TSPAN10: variants seen among roughly 807,000 people sequenced by gnomAD.
TSPAN10 encodes the protein tetraspanin-10.
Under a neutral mutation model 15.0 loss-of-function variants are expected in TSPAN10, and 11 were observed. The ratio of observed to expected loss-of-function variants is 0.73; its 90% CI spans 0.46 to 1.21. The LOEUF (loss-of-function observed/expected upper bound fraction) is 1.21. TSPAN10 is among the 50% of genes most tolerant of loss of function. TSPAN10 has a pLI of 0.00. For missense variants in TSPAN10, 486 were observed against 470.6 expected (o/e 1.03, Z -0.30); for synonymous variants, 241 against 226.2 (o/e 1.07, Z -0.59).
chr17:81,639,389 G>C (rs1341846475), upstream of TSPAN10, among the ~76,000 whole-genome samples: 1 of 151,428 alleles, frequency 6.6e-6, no homozygotes, highest in Non-Finnish European at 1.5e-5. Context: ...TATATCTTTA[G>C]TAGAGACAGG....
chr17:81,638,528 C>A (rs2036142206), upstream of TSPAN10: 1 of 152,260 alleles, frequency 6.6e-6, no homozygotes, highest in Admixed American at 6.5e-5. Flanking sequence ...GAACTCCTGA[C>A]CTCAGGTGAT....
upstream of TSPAN10, chr17:81,642,315 A>T: frequency 6.9e-7 from 1 of 1,439,316 alleles, no homozygotes. Context: ...AGACTAGCCC[A>T]GGGCCGCAGT....
upstream of TSPAN10, among the ~76,000 whole-genome samples, chr17:81,639,636 G>T (rs1404980364): frequency 2.0e-5 from 3 of 151,186 alleles, no homozygotes; most frequent in African/African-American, 7.3e-5. Flanking sequence ...GGTGGCTCAC[G>T]CCTGTCATCC....
At chr17:81,644,426 C>T (rs1025406755) in intron 1 of TSPAN10, among the ~76,000 whole-genome samples, 1 of 115,714 alleles carries the variant, frequency 8.6e-6, no homozygotes, top group Non-Finnish European at 1.7e-5. Flanking sequence ...TTGGTGGGGC[C>T]GAAGAATGGG....
intron 1 of TSPAN10, among the ~76,000 whole-genome samples, chr17:81,642,715 G>A (rs1387261084): frequency 1.3e-5 from 2 of 152,198 alleles, no homozygotes; most frequent in African/African-American, 2.4e-5. Context: ...GGCTCAGGGT[G>A]CAGGAGGGGG....
Position 81,645,180 on chromosome 17 carries a change from C to G in TSPAN10, c.225C>G (p.Cys75Trp), listed in dbSNP as rs768707259. Residue 75 changes from cysteine (C) to tryptophan (W), a missense_variant, in exon 2 of 3, where the codon TGC becomes TGG. Transcript: ENST00000611590. ...CTTCCCTCTCCCCAGGGAGCAGCTGCGTCAAGTATCTGATCTTCCTCTCCA... is the reference window on the plus strand; with the variant it reads ...CTTCCCTCTCCCCAGGGAGCAGCTGGGTCAAGTATCTGATCTTCCTCTCCA... 3 of 1,548,900 alleles carry G rather than the reference C, an allele frequency of 1.9e-6. No individual in the cohort carries two copies. In the South Asian group the frequency reaches 3.8e-5, roughly 19 times the overall value.
chr17:81,639,518 C>T (rs1568177406), upstream of TSPAN10, among the ~76,000 whole-genome samples: 1 of 151,906 alleles, frequency 6.6e-6, no homozygotes, highest in Non-Finnish European at 1.5e-5. Flanking sequence ...GAATTACTTC[C>T]TAACAGTCCT....
upstream of TSPAN10, among the ~76,000 whole-genome samples, chr17:81,640,389 G>A (rs913221509): frequency 8.6e-5 from 13 of 151,974 alleles, no homozygotes; most frequent in African/African-American, 2.9e-4. Flanking sequence ...GTCTCTCCAT[G>A]TGTCCCACCG....
exon 2 of TSPAN10, chr17:81,645,298 C>A (rs753180923): frequency 1.3e-6 from 2 of 1,538,124 alleles, no homozygotes; most frequent in African/African-American, 2.8e-5. Context: ...TCTGGGGGGG[C>A]CCCTGCCCGC....
intron 1 of TSPAN10, among the ~76,000 whole-genome samples, chr17:81,644,308 C>T (rs2036213959): frequency 8.3e-6 from 1 of 120,840 alleles, no homozygotes; most frequent in South Asian, 3.0e-4. Flanking sequence ...AGGCGGTCTT[C>T]CTGGGCTCTT....
chr17:81,647,356 C>T (rs2036268804), intron 2 of TSPAN10: 1 of 452,330 alleles, frequency 2.2e-6, no homozygotes, highest in East Asian at 6.9e-5. Context: ...CAGTGGATGC[C>T]TAGGGCACCT....
intron 1 of TSPAN10, among the ~76,000 whole-genome samples, chr17:81,643,005 A>G (rs1301220856): frequency 6.8e-6 from 1 of 146,202 alleles, no homozygotes; most frequent in African/African-American, 2.5e-5. Context: ...TTATATATAT[A>G]TATATATATA....
chr17:81,647,366 T>C, intron 2 of TSPAN10: 1 of 454,706 alleles, frequency 2.2e-6, no homozygotes, highest in South Asian at 1.6e-5. Context: ...CTAGGGCACC[T>C]GGGGACTGCC....
At chr17:81,645,458 G>C (rs751436780) in exon 2 of TSPAN10, 34 of 1,587,752 alleles carry the variant, frequency 2.1e-5, no homozygotes, top group Non-Finnish European at 2.9e-5. Context: ...GCCGTGGCGG[G>C]GGCCCTGGTG....
chr17:81,647,966 C>G (rs1472330146), exon 3 of TSPAN10: 19 of 1,611,172 alleles, frequency 1.2e-5, no homozygotes, highest in Non-Finnish European at 1.6e-5. Flanking sequence ...TGCATCGACC[C>G]CCGCGAAGAT....
chr17:81,645,331 C>G (rs1598711059), exon 2 of TSPAN10: 2 of 1,563,990 alleles, frequency 1.3e-6, no homozygotes, highest in East Asian at 4.5e-5. Context: ...GGGGCTGGCA[C>G]TGGGAGGGCT....
intron 2 of TSPAN10, chr17:81,645,949 TA>T (rs1250488731): frequency 2.3e-5 from 11 of 474,678 alleles, no homozygotes; most frequent in East Asian, 2.1e-4. Flanking sequence ...ACACAAGGTA[TA>T]GGGGTGCTTG....
At chr17:81,637,280 G>C (rs2036113312) in exon 1 of TSPAN10, 1 of 554,300 alleles carries the variant, frequency 1.8e-6, no homozygotes, top group African/African-American at 2.0e-5. Context: ...AAACCCAAGC[G>C]GCACAGGAAA....
intron 1 of TSPAN10, 41 bp downstream of exon 2, chr17:81,642,489 T>C (rs2036188121): frequency 2.5e-6 from 4 of 1,579,456 alleles, no homozygotes; most frequent in Non-Finnish European, 3.5e-6. Context: ...GTTGGAGATG[T>C]CCCCAGCCCT....
Sources: allele counts gnomAD v4.1 joint callset (sites outside exome capture counted in the v4.1 genomes callset), GRCh38; gene constraint gnomAD v4.1.1; transcripts MANE v1.5; gene names NCBI Gene and HGNC (gene_info 2026-07-23, HGNC 2026-07-21).